The following EFCAB5 variants were observed in gnomAD, a reference collection of about 807,000 sequenced individuals.
EFCAB5 encodes the protein EF-hand calcium-binding domain-containing protein 5.
In EFCAB5, 131 loss-of-function variants were observed where a neutral mutation model predicts 167.9. The observed-to-expected ratio is 0.78, with a 90% CI of 0.68 to 0.90. EFCAB5 has a LOEUF of 0.90. Among genes scored for constraint, EFCAB5 ranks in the 40% least tolerant of loss-of-function variants. The pLI, the probability that EFCAB5 is intolerant of heterozygous loss-of-function variation, is 0.00. For missense variants in EFCAB5, 1,663 were observed against 1,745.2 expected, an observed-to-expected ratio of 0.95 and a Z score of 0.84; for synonymous variants, 574 against 602.8, an observed-to-expected ratio of 0.95 and a Z score of 0.70.
At chr17:30,072,013 T>C (rs570740589) in intron 14 of EFCAB5, among the ~76,000 whole-genome samples, 17 of 152,264 alleles carry the variant, frequency 1.1e-4, no homozygotes, top group South Asian at 2.1e-4. Flanking sequence ...GTAGAGGGGA[T>C]ATCCAAAGGT....
At chr17:30,100,291 G>C (rs565146434) in intron 22 of EFCAB5, among the ~76,000 whole-genome samples, 2 of 152,258 alleles carry the variant, frequency 1.3e-5, no homozygotes, top group South Asian at 4.1e-4. Context: ...CCGCCCTCAA[G>C]AAGCCTACAT....
intron 10 of EFCAB5, among the ~76,000 whole-genome samples, chr17:30,054,607 T>G (rs1321258164): frequency 6.6e-6 from 1 of 152,230 alleles, no homozygotes; most frequent in Non-Finnish European, 1.5e-5. Context: ...TTTCAAATAT[T>G]TATTCTCATG....
At chr17:29,954,143 T>C (rs1268411283) in intron 3 of EFCAB5, among the ~76,000 whole-genome samples, 4 of 152,258 alleles carry the variant, frequency 2.6e-5, no homozygotes, top group South Asian at 2.1e-4. Flanking sequence ...TGTAGTACTA[T>C]GCAATAAAAA....
At chr17:30,013,031 G>C (rs939939426) in intron 7 of EFCAB5, among the ~76,000 whole-genome samples, 1 of 152,082 alleles carries the variant, frequency 6.6e-6, no homozygotes, top group African/African-American at 2.4e-5. Context: ...GAATTTTGTC[G>C]AAGGCCTTCT....
chr17:29,953,453 TAGTG>T (rs1405083729), intron 3 of EFCAB5, among the ~76,000 whole-genome samples: 3 of 152,268 alleles, frequency 2.0e-5, no homozygotes, highest in South Asian at 2.1e-4. Flanking sequence ...GTTCTCATGA[TAGTG>T]AGTAAGTCTT....
At chr17:30,091,036 A>G (rs1049838212) in intron 20 of EFCAB5, among the ~76,000 whole-genome samples, 1 of 152,212 alleles carries the variant, frequency 6.6e-6, no homozygotes, top group Non-Finnish European at 1.5e-5. Context: ...ACAGGTGAGG[A>G]AAGTAAGCAA....
intron 3 of EFCAB5, among the ~76,000 whole-genome samples, chr17:29,945,741 G>A (rs2067384506): frequency 1.3e-5 from 2 of 152,066 alleles, no homozygotes; most frequent in South Asian, 4.1e-4. Flanking sequence ...CTGGGGAAAG[G>A]ATACTCTATT....
chr17:30,023,445 T>C (rs1257399152), intron 7 of EFCAB5, among the ~76,000 whole-genome samples: 1 of 152,080 alleles, frequency 6.6e-6, no homozygotes, highest in African/African-American at 2.4e-5. Context: ...AATGGATAAA[T>C]TCCTCGACAC....
chr17:29,955,469 G>C (rs1279635380), intron 3 of EFCAB5, among the ~76,000 whole-genome samples: 4 of 152,122 alleles, frequency 2.6e-5, no homozygotes, highest in Admixed American at 2.6e-4. Context: ...ACATGACTTT[G>C]CTCCTTCTTT....
At chr17:30,067,216 C>G (rs993968099) in intron 14 of EFCAB5, among the ~76,000 whole-genome samples, 3 of 152,126 alleles carry the variant, frequency 2.0e-5, no homozygotes, top group African/African-American at 7.2e-5. Flanking sequence ...ACAACAGAAA[C>G]AGAAATTATA....
chr17:29,948,248 A>G (rs1275039300), intron 3 of EFCAB5, among the ~76,000 whole-genome samples: 1 of 152,230 alleles, frequency 6.6e-6, no homozygotes, highest in African/African-American at 2.4e-5. Context: ...AAAACTGTAC[A>G]TATGTATTCC....
intron 7 of EFCAB5, among the ~76,000 whole-genome samples, chr17:30,026,538 G>A (rs945304619): frequency 1.1e-4 from 17 of 152,094 alleles, no homozygotes; most frequent in Admixed American, 7.2e-4. Flanking sequence ...TTATTCAAAC[G>A]TCATTAATGT....
chr17:30,003,204 C>A (rs1362053701), intron 7 of EFCAB5, among the ~76,000 whole-genome samples: 1 of 151,824 alleles, frequency 6.6e-6, no homozygotes, highest in Non-Finnish European at 1.5e-5. Context: ...ATGCTAAGCC[C>A]ATACCTTGAG....
At chr17:29,990,863 C>A (rs1212746410) in intron 4 of EFCAB5, among the ~76,000 whole-genome samples, 2 of 152,158 alleles carry the variant, frequency 1.3e-5, no homozygotes, top group African/African-American at 4.8e-5. Flanking sequence ...GGGGCAACTA[C>A]TTTTCGCCCA....
intron 22 of EFCAB5, among the ~76,000 whole-genome samples, chr17:30,101,612 T>C (rs1246431430): frequency 6.6e-6 from 1 of 152,134 alleles, no homozygotes; most frequent in Non-Finnish European, 1.5e-5. Context: ...AGATATAAAA[T>C]CGAGATTGGT....
intron 14 of EFCAB5, among the ~76,000 whole-genome samples, chr17:30,063,127 C>T (rs954212163): frequency 3.3e-5 from 5 of 152,176 alleles, no homozygotes; most frequent in African/African-American, 1.2e-4. Flanking sequence ...TACCTGGCTT[C>T]TCTGGAGCTT....
chr17:30,009,920 T>C (rs2068858135), intron 7 of EFCAB5, among the ~76,000 whole-genome samples: 1 of 152,120 alleles, frequency 6.6e-6, no homozygotes, highest in South Asian at 2.1e-4. Flanking sequence ...CATTAACTCG[T>C]CATTTGCATT....
At chr17:30,075,989 G>A (rs1419649639) in intron 14 of EFCAB5, among the ~76,000 whole-genome samples, 1 of 152,216 alleles carries the variant, frequency 6.6e-6, no homozygotes, top group African/African-American at 2.4e-5. Context: ...GCTCAAGTAA[G>A]AGAGAACACA....
chr17:29,977,778 C>T (rs143462004), intron 4 of EFCAB5, among the ~76,000 whole-genome samples: 8 of 152,214 alleles, frequency 5.3e-5, no homozygotes, highest in African/African-American at 1.9e-4. Context: ...AATATTCAAG[C>T]CTTAAGGATA....
Sources: gnomAD v4.1 joint callset for allele counts (sites outside exome capture counted in the v4.1 genomes callset) on GRCh38, gnomAD v4.1.1 for gene constraint, MANE v1.5 for transcripts, NCBI Gene and HGNC (gene_info 2026-07-23, HGNC 2026-07-21) for gene names.